The following RNF39 variants were observed in gnomAD, a reference collection of about 807,000 sequenced individuals.
The protein encoded by RNF39 is ring finger protein 39.
RNF39 carries 25 observed loss-of-function variants against 29.2 expected under a neutral mutation model. The ratio of observed to expected loss-of-function variants is 0.86; its 90% CI spans 0.62 to 1.20. RNF39 has a LOEUF of 1.20. Ranked by LOEUF, RNF39 falls within the 50% of genes most tolerant of loss-of-function variation. RNF39 has a pLI of 0.00. For missense variants in RNF39, 519 were observed against 515.0 expected, an observed-to-expected ratio of 1.01 and a Z score of -0.08; for synonymous variants, 219 against 229.0, an observed-to-expected ratio of 0.96 and a Z score of 0.40.
At position 30,071,085 on chromosome 6, in the gene RNF39, G is replaced by A; in HGVS notation, c.*26C>T. 6.5e-7 allele frequency: 1 copy of A among 1,537,720 alleles called. No homozygotes were observed. Among genetic ancestry groups the A allele is most frequent in the Non-Finnish European group, 8.8e-7 (1 of 1,135,088 alleles). ...AAGCAGCTGCAGGGCCAGTGGCCGG[G>A]CCAAACTTCTAGTTGGAGACGAGAC... On this transcript the variant is annotated 3_prime_UTR_variant, in exon 4 of 4. Coordinates refer to ENST00000244360, the MANE Select transcript of RNF39 (RefSeq NM_025236.4). This position sits in a 1 kb window ranked among gnomAD's most constrained non-coding sequence, Gnocchi z 5.0.
chr6:30,071,673 G>T lies in RNF39; in HGVS notation c.497C>A (p.Pro166His). Reference protein sequence around the residue: ...HRLTADLTLDPGTAHRRLLIS... With the variant: ...HRLTADLTLDHGTAHRRLLIS... ...GAGCAGGCGGCGGTGTGCGGTCCCA[G>T]GGTCCAGGGTCAGGTCGGCTGGAGA... The change falls in exon 4 of 4, where the codon CCT becomes CAT. Residue 166 changes from proline to histidine, a missense_variant. Pro to His is a moderately conservative substitution (Grantham distance 77). Transcript: ENST00000244360. This position sits in a 1 kb window ranked among gnomAD's most constrained non-coding sequence, Gnocchi z 5.0. 1 of 1,416,004 alleles carries T rather than the reference G, an allele frequency of 7.1e-7. No homozygotes were observed. The allele number at this position is 1,416,004 out of a possible 1,614,324, so 87.7% of individuals were successfully genotyped here.
chr6:30,071,015 G>A lies in RNF39; in HGVS notation c.*96C>T, dbSNP rs1341477470. ...TGCTATTAATACTCCTGCAATGGGC[G>A]TGTGAATGTGTTCCCAGAAATGAGT... is the stretch of plus-strand genomic sequence containing the variant. On this transcript the variant is annotated 3_prime_UTR_variant, in exon 4 of 4. Transcript: ENST00000244360. This position sits in a 1 kb window ranked among gnomAD's most constrained non-coding sequence, Gnocchi z 5.0. The A allele has an allele frequency of 2.1e-5, 21 of 992,002 alleles. No individual in the cohort carries two copies. Among genetic ancestry groups the A allele is most frequent in the Non-Finnish European group, 2.8e-5 (18 of 637,014 alleles). The allele number at this position is 992,002 out of a possible 1,614,324, so 61.4% of individuals were successfully genotyped here.
intron 1 of RNF39, 149 bp downstream of exon 1, chr6:30,075,074 T>C: frequency 1.3e-6 from 1 of 799,464 alleles, no homozygotes; most frequent in Non-Finnish European, 1.9e-6. Flanking sequence ...GGACCCAGGG[T>C]CCTCGCCCCC....
chr6:30,074,216 A>G lies in RNF39; in HGVS notation c.364-738T>C, dbSNP rs1223631862. Among the ~76,000 whole-genome samples, 1 of 152,178 alleles carries G rather than the reference A, an allele frequency of 6.6e-6. No individual in the cohort carries two copies. The highest frequency in any genetic ancestry group is 2.4e-5 in the African/African-American group (1 of 41,446). The stretch of plus-strand genomic sequence containing the variant: ...GTGCTGATGGCTGGAGCAGGCCGAT[A>G]TGGTGGAGCGGGGGAGAGAGAAACA... On this transcript the variant is annotated intron_variant, in intron 1 of 3. Coordinates refer to ENST00000244360, the MANE Select transcript of RNF39 (RefSeq NM_025236.4). This position sits in a 1 kb window ranked among gnomAD's most constrained non-coding sequence, Gnocchi z 4.1.
chr6:30,073,445 G>C lies in RNF39; in HGVS notation c.386+11C>G, dbSNP rs752791795. 2 of 1,614,106 alleles carry C rather than the reference G, an allele frequency of 1.2e-6. No homozygotes were observed. The highest frequency in any genetic ancestry group is 2.2e-5 in the South Asian group (2 of 91,082). On this transcript the variant is annotated intron_variant, in intron 2 of 3. Transcript: ENST00000244360. The stretch of plus-strand genomic sequence containing the variant: ...GGTGAGAAAAGGAGGGAACAGAAAA[G>C]TGGAACTCACCGTCTCCATGTCTTC...
rs1276955726 is a variant in RNF39, at chr6:30,074,409, G to A, written c.363+814C>T. Among the ~76,000 whole-genome samples the A allele has an allele frequency of 1.3e-5, 2 of 152,116 alleles. No individual in the cohort carries two copies. Among genetic ancestry groups the A allele is most frequent in the African/African-American group, 2.4e-5 (1 of 41,412 alleles). On this transcript the variant is annotated intron_variant, in intron 1 of 3. Transcript: ENST00000244360. The surrounding 1 kb of genome is among the most constrained non-coding windows in gnomAD (Gnocchi z 4.1). ...GAATGGGCTGGTTAGTGGCCAAGGA[G>A]CCGGGGCCCAGGAGAGGCGCGGGGG... is the stretch of plus-strand genomic sequence containing the variant.
At position 30,071,572 on chromosome 6, in the gene RNF39, C is replaced by T. The variant is rs1057539; in HGVS notation, c.598G>A (p.Asp200Asn). 0.068 allele frequency: 100,941 copies of T among 1,490,996 alleles called. 3,818 individuals carry two copies. Among genetic ancestry groups the T allele is most frequent in the South Asian group, 0.11 (8,499 of 78,392 alleles). The allele number at this position is 1,490,996 out of a possible 1,614,324, so 92.4% of individuals were successfully genotyped here. A position where few individuals can be genotyped will look rare whatever the true frequency, so the allele number is the denominator to read the frequency against. Residue 200 changes from aspartate to asparagine, a missense_variant, in exon 4 of 4, where the codon GAT (aspartate) becomes AAT (asparagine). By Grantham distance (23) the Asp-to-Asn change is conservative. Transcript: ENST00000244360. This position sits in a 1 kb window ranked among gnomAD's most constrained non-coding sequence, Gnocchi z 5.0. Reference protein sequence around the residue: ...PAPPDGPKRFDQLPAVLGAQG... With the variant: ...PAPPDGPKRFNQLPAVLGAQG... The stretch of plus-strand genomic sequence containing the variant: ...GCACCCAGCACAGCTGGGAGCTGAT[C>T]GAAGCGCTTGGGGCCGTCAGGGGGC...
rs565741665 is a variant in RNF39, at chr6:30,071,062, G to C, written c.*49C>G. ...GAGTGGGGAATTCCACCCCCAAAAA[G>C]CAGCTGCAGGGCCAGTGGCCGGGCC... On this transcript the variant is annotated 3_prime_UTR_variant, in exon 4 of 4. Transcript: ENST00000244360. The surrounding 1 kb of genome is among the most constrained non-coding windows in gnomAD (Gnocchi z 5.0). 1.4e-6 allele frequency: 2 copies of C among 1,429,874 alleles called. No homozygotes were observed. Among genetic ancestry groups the C allele is most frequent in the Admixed American group, 3.9e-5 (2 of 50,844 alleles). 88.6% of individuals were successfully genotyped at this position (1,429,874 alleles called of 1,614,324 possible).
chr6:30,075,659 C>T lies in RNF39; in HGVS notation c.-74G>A. On this transcript the variant is annotated 5_prime_UTR_variant, in exon 1 of 4. Transcript: ENST00000244360. ...CTTCGAGCGCGCAGATGGCGGGCCGCCCCTGCTGCTTGCTGTGTAGATGCC... is the reference window on the plus strand; with the variant it reads ...CTTCGAGCGCGCAGATGGCGGGCCGTCCCTGCTGCTTGCTGTGTAGATGCC... 6.2e-7 allele frequency: 1 copy of T among 1,613,868 alleles called. No homozygotes were observed. The highest frequency in any genetic ancestry group is 8.5e-7 in the Non-Finnish European group (1 of 1,180,022).
At position 30,072,096 on chromosome 6, in the gene RNF39, T is replaced by C. The variant is rs1766038445; in HGVS notation, c.479-405A>G. ...GGGCATGGGAGCTGGGTCAGCAAAA[T>C]GGGGAAGGTTCATCTAAAGAGAAAG... On this transcript the variant is annotated intron_variant, in intron 3 of 3. Transcript: ENST00000244360. The surrounding 1 kb of genome is among the most constrained non-coding windows in gnomAD (Gnocchi z 4.5). Among the ~76,000 whole-genome samples, 1 of 151,590 alleles carries C rather than the reference T, an allele frequency of 6.6e-6. No homozygotes were observed. Among genetic ancestry groups the C allele is most frequent in the Non-Finnish European group, 1.5e-5 (1 of 67,906 alleles).
In RNF39 at chr6:30,075,591, G is replaced by T. The variant is rs779105941; in HGVS notation, c.-6C>A. On this transcript the variant is annotated 5_prime_UTR_variant, in exon 1 of 4. Coordinates refer to ENST00000244360, the MANE Select transcript of RNF39 (RefSeq NM_025236.4). ...CCCAGCTCGGGCGCATCCATGGAAA[G>T]CCAGGATCTGGACGCCGCCCCTTCC... 1 of 1,608,620 alleles carries T rather than the reference G, an allele frequency of 6.2e-7. No individual in the cohort carries two copies. The highest frequency in any genetic ancestry group is 8.5e-7 in the Non-Finnish European group (1 of 1,179,812).
Position 30,071,531 on chromosome 6 carries a change from G to C in RNF39, c.639C>G (p.Ala213=). 6.5e-7 allele frequency: 1 copy of C among 1,527,772 alleles called. No homozygotes were observed. Among genetic ancestry groups the C allele is most frequent in the Non-Finnish European group, 8.8e-7 (1 of 1,141,558 alleles). 94.6% of individuals were successfully genotyped at this position (1,527,772 alleles called of 1,614,324 possible). A position where few individuals can be genotyped will look rare whatever the true frequency, so the allele number is the denominator to read the frequency against. ...PAVLGAQGFG[A]GRHCWEVETA... Reference sequence around the variant, plus strand: ...TCTCCACCTCCCAGCAGTGGCGGCCGGCCCCGAAGCCCTGCGCACCCAGCA... The same window carrying C: ...TCTCCACCTCCCAGCAGTGGCGGCCCGCCCCGAAGCCCTGCGCACCCAGCA... Residue 213 remains alanine (A), a synonymous_variant, in exon 4 of 4, where the codon GCC becomes GCG. Transcript: ENST00000244360. This position sits in a 1 kb window ranked among gnomAD's most constrained non-coding sequence, Gnocchi z 5.0.
rs1765847793 is a variant in RNF39 at position 30,070,517 on chromosome 6, G to A, written c.*594C>T. ...AGAAGGTTCTTATGGAAAAAAGGCT[G>A]TGAGCATAGAAAGCAGTCATAGGAG... On this transcript the variant is annotated 3_prime_UTR_variant, in exon 4 of 4. Transcript: ENST00000244360. The A allele has an allele frequency of 7.8e-6, 2 of 255,632 alleles. No individual in the cohort carries two copies. Among genetic ancestry groups the A allele is most frequent in the South Asian group, 4.8e-5 (1 of 21,000 alleles). 15.8% of individuals were successfully genotyped at this position (255,632 alleles called of 1,614,324 possible). A position where few individuals can be genotyped will look rare whatever the true frequency, so the allele number is the denominator to read the frequency against.
Position 30,071,213 on chromosome 6 carries a change from AAG to A in RNF39, c.955_956del (p.Tyr320ArgfsTer39). The A allele has an allele frequency of 6.6e-7, 1 of 1,515,986 alleles. No homozygotes were observed. 93.9% of individuals were successfully genotyped at this position (1,515,986 alleles called of 1,614,324 possible). ...AFYDGRSLDL[L>X]YAFQAPGPLG... ...GGGGGCCAGGCGCCTGGAAGGCGTA[AAG>A]CAGGTCGAGTGAGCGGCCGTCGTAG... On this transcript the variant is annotated frameshift_variant, in exon 4 of 4. Transcript: ENST00000244360. LOFTEE classifies it high-confidence loss of function. The surrounding 1 kb of genome is among the most constrained non-coding windows in gnomAD (Gnocchi z 5.0).
rs1766074502 is a variant in RNF39 at position 30,072,570 on chromosome 6, G to T, written c.478+587C>A. 6.6e-6 allele frequency among the ~76,000 whole-genome samples: 1 copy of T among 152,114 alleles called. No individual in the cohort carries two copies. Among genetic ancestry groups the T allele is most frequent in the African/African-American group, 2.4e-5 (1 of 41,402 alleles). ...GGCACCTAACCTTCAGGGATCTGTT[G>T]TTTGAATGTATGAAAAAGGAAGAGG... On this transcript the variant is annotated intron_variant, in intron 3 of 3. Transcript: ENST00000244360. This position sits in a 1 kb window ranked among gnomAD's most constrained non-coding sequence, Gnocchi z 4.5.
Position 30,075,722 on chromosome 6 carries a change from C to T in RNF39, c.-137G>A. The T allele has an allele frequency of 1.9e-6, 3 of 1,614,208 alleles. No homozygotes were observed. The highest frequency in any genetic ancestry group is 2.5e-6 in the Non-Finnish European group (3 of 1,180,040). On this transcript the variant is annotated 5_prime_UTR_variant, in exon 1 of 4. Coordinates refer to ENST00000244360, the MANE Select transcript of RNF39 (RefSeq NM_025236.4). ...TCCCGCATTAACTTTTGCCGCTTTC[C>T]GCCCCTCTCCTGGGATTGCCTCTCT...
At position 30,070,738 on chromosome 6, in the gene RNF39, G is replaced by A; in HGVS notation, c.*373C>T. On this transcript the variant is annotated 3_prime_UTR_variant, in exon 4 of 4. Transcript: ENST00000244360. ...TTCTGGAGCTAGGAGTGGCAAGAGTGGGAGTCAAGTATTTGACCAGCAGAG... is the reference window on the plus strand; with the variant it reads ...TTCTGGAGCTAGGAGTGGCAAGAGTAGGAGTCAAGTATTTGACCAGCAGAG... The A allele has an allele frequency of 2.1e-6, 1 of 485,006 alleles. No individual in the cohort carries two copies. The highest frequency in any genetic ancestry group is 4.1e-6 in the Non-Finnish European group (1 of 246,500). The allele number at this position is 485,006 out of a possible 1,614,324, so 30.0% of individuals were successfully genotyped here. A position where few individuals can be genotyped will look rare whatever the true frequency, so the allele number is the denominator to read the frequency against.
At position 30,070,671 on chromosome 6, in the gene RNF39, G is replaced by T. The variant is rs1337336975; in HGVS notation, c.*440C>A. Reference sequence around the variant, plus strand: ...TAGGAGAAACCTCAGTGGACAGGCAGGGTAGCCCAGTCCTTAGATCTGTGG... The same window carrying T: ...TAGGAGAAACCTCAGTGGACAGGCATGGTAGCCCAGTCCTTAGATCTGTGG... On this transcript the variant is annotated 3_prime_UTR_variant, in exon 4 of 4. Coordinates refer to ENST00000244360, the MANE Select transcript of RNF39 (RefSeq NM_025236.4). The T allele has an allele frequency of 7.9e-6, 3 of 378,272 alleles. No individual in the cohort carries two copies. Among genetic ancestry groups the T allele is most frequent in the Non-Finnish European group, 1.6e-5 (3 of 192,658 alleles). 23.4% of individuals were successfully genotyped at this position (378,272 alleles called of 1,614,324 possible).
At position 30,070,953 on chromosome 6, in the gene RNF39, A is replaced by G; in HGVS notation, c.*158T>C. On this transcript the variant is annotated 3_prime_UTR_variant, in exon 4 of 4. Transcript: ENST00000244360. Reference sequence around the variant, plus strand: ...GCAGGGACGTGGAAACGTGGAGACCAGGTGAGGTCTCATTATTTTGGGGCG... The same window carrying G: ...GCAGGGACGTGGAAACGTGGAGACCGGGTGAGGTCTCATTATTTTGGGGCG... The G allele has an allele frequency of 1.4e-6, 1 of 739,752 alleles. No homozygotes were observed. Among genetic ancestry groups the G allele is most frequent in the South Asian group, 1.5e-5 (1 of 67,322 alleles). 45.8% of individuals were successfully genotyped at this position (739,752 alleles called of 1,614,324 possible). A position where few individuals can be genotyped will look rare whatever the true frequency, so the allele number is the denominator to read the frequency against.
Sources: gnomAD v4.1 joint callset for allele counts (sites outside exome capture counted in the v4.1 genomes callset) on GRCh38, gnomAD v4.1.1 for gene constraint, Gnocchi (gnomAD v3.1) non-coding constraint, MANE v1.5 for transcripts, NCBI Gene and HGNC (gene_info 2026-07-23, HGNC 2026-07-21) for gene names.